PIEZO1: variants seen among roughly 807,000 people sequenced by gnomAD.
PIEZO1 encodes piezo type mechanosensitive ion channel component 1 (Er blood group), also known as piezo-type mechanosensitive ion channel component 1.
Under a neutral mutation model 297.2 loss-of-function variants are expected in PIEZO1, and 296 were observed. That is an observed-to-expected ratio of 1.00 (90% CI 0.91 to 1.10). The LOEUF (loss-of-function observed/expected upper bound fraction) is 1.10, where lower values mean the gene tolerates loss of function less well. PIEZO1 is among the 50% of genes least tolerant of loss of function. PIEZO1 has a pLI of 0.00. For synonymous variants in PIEZO1, 2,427 were observed against 1,507.5 expected, an observed-to-expected ratio of 1.61 and a Z score of -14.13; for missense variants, 5,018 against 3,455.5, an observed-to-expected ratio of 1.45 and a Z score of -11.34.
intron 1 of PIEZO1, among the ~76,000 whole-genome samples, chr16:88,776,556 G>A (rs1281017863): frequency 6.6e-6 from 1 of 152,300 alleles, no homozygotes; most frequent in South Asian, 2.1e-4. Flanking sequence ...GCTCCTATGT[G>A]CACATCTAGG....
chr16:88,750,314 C>T (rs1164640790), intron 1 of PIEZO1, among the ~76,000 whole-genome samples: 2 of 152,168 alleles, frequency 1.3e-5, no homozygotes, highest in Non-Finnish European at 2.9e-5. Context: ...CCAGCCTGGG[C>T]GACAGAGCGA....
Position 88,738,444 on chromosome 16 carries a change from C to A in PIEZO1, c.635-4G>T. On this transcript the variant is annotated splice_polypyrimidine_tract_variant and splice_region_variant and intron_variant, in intron 6 of 50. Transcript: ENST00000301015. ...AGGGCCGAGGGGTGGGCGATGCCTG[C>A]GGGGCAGGGGCACACAGGGTGGTAC... 2 of 1,535,014 alleles carry A rather than the reference C, an allele frequency of 1.3e-6. No homozygotes were observed. Among genetic ancestry groups the A allele is most frequent in the South Asian group, 1.2e-5 (1 of 84,044 alleles).
intron 1 of PIEZO1, among the ~76,000 whole-genome samples, chr16:88,771,515 G>A (rs985717655): frequency 4.6e-5 from 7 of 152,322 alleles, no homozygotes; most frequent in African/African-American, 1.2e-4. Context: ...CACGGCTCAC[G>A]CAGCTGCTGG....
Position 88,716,165 on chromosome 16 carries a change from C to G in PIEZO1, c.7129+33G>C, listed in dbSNP as rs764214848. The G allele has an allele frequency of 2.6e-5, 40 of 1,519,028 alleles. 1 individual carries two copies. The South Asian group carries it at 4.0e-4, about 15-fold the overall frequency. 94.1% of individuals were successfully genotyped at this position (1,519,028 alleles called of 1,614,324 possible). ...CGTTGAGGCCGCAGGTCACCCCTCT[C>G]TAGCCTCCCCCAACCCCCACGCCCA... On this transcript the variant is annotated intron_variant, in intron 49 of 50. Transcript: ENST00000301015.
intron 1 of PIEZO1, among the ~76,000 whole-genome samples, chr16:88,773,380 C>A (rs1440138367): frequency 6.6e-6 from 1 of 152,262 alleles, no homozygotes; most frequent in Non-Finnish European, 1.5e-5. Flanking sequence ...GGGGGAGGGG[C>A]CTTGCCCGAG....
intron 5 of PIEZO1, 186 bp downstream of exon 5, chr16:88,741,292 G>C (rs947102470): frequency 8.6e-6 from 5 of 584,386 alleles, no homozygotes; most frequent in East Asian, 2.9e-5. Flanking sequence ...GTAGAAACAG[G>C]TCTGAACGGA....
rs779308700 is a variant in PIEZO1 at position 88,723,300 on chromosome 16, G to A, written c.4364C>T (p.Ala1455Val). Residue 1455 changes from alanine to valine, a missense_variant, in exon 32 of 51, where the codon GCC (alanine) becomes GTC (valine). By Grantham distance (64) the Ala-to-Val change is moderately conservative (BLOSUM62 0). Transcript: ENST00000301015. ...QLAYQAWVTN[A>V]QAVLRRRQQE... ...CTGCCGCCGCCTCAGCACCGCCTGG[G>A]CGTTGGTCACCCATGCCTGGTACGC... is the stretch of plus-strand genomic sequence containing the variant. 254 of 1,539,710 alleles carry A rather than the reference G, an allele frequency of 1.6e-4. No homozygotes were observed. The highest frequency in any genetic ancestry group is 2.1e-4 in the Non-Finnish European group (238 of 1,146,776).
At position 88,778,323 on chromosome 16, in the gene PIEZO1, G is replaced by A. The variant is rs543502086; in HGVS notation, c.64+6578C>T. On this transcript the variant is annotated intron_variant, in intron 1 of 50. Transcript: ENST00000301015. ...ACCACAGGGGGTGGCTGAGGCGGCT[G>A]CTGTCCCTCTTTAGCCTGAACCTGA... Among the ~76,000 whole-genome samples the A allele has an allele frequency of 2.6e-4, 39 of 152,306 alleles. 1 individual carries two copies. Among genetic ancestry groups the A allele is most frequent in the African/African-American group, 9.4e-4 (39 of 41,560 alleles).
At chr16:88,728,460 C>T (rs879191572) in intron 22 of PIEZO1, among the ~76,000 whole-genome samples, 5 of 149,008 alleles carry the variant, frequency 3.4e-5, no homozygotes, top group East Asian at 2.0e-4. Flanking sequence ...GAGGGAACCT[C>T]GCGACCCAAA....
At position 88,727,006 on chromosome 16, in the gene PIEZO1, A is replaced by C. The variant is rs181321085; in HGVS notation, c.3455+33T>G. ...CGGGCGCCCCGGCCACCCCTCCCAGAAGGTTCCCCGTGGAGGGTGACGTGG... is the reference window on the plus strand; with the variant it reads ...CGGGCGCCCCGGCCACCCCTCCCAGCAGGTTCCCCGTGGAGGGTGACGTGG... On this transcript the variant is annotated intron_variant, in intron 24 of 50. Coordinates refer to ENST00000301015, the MANE Select transcript of PIEZO1 (RefSeq NM_001142864.4). The C allele has an allele frequency of 3.3e-4, 507 of 1,548,782 alleles. 8 individuals carry two copies. In the East Asian group the frequency reaches 8.5e-3, roughly 26 times the overall value.
chr16:88,743,285 G>C (rs1025577236), intron 2 of PIEZO1: 9 of 456,322 alleles, frequency 2.0e-5, no homozygotes, highest in Non-Finnish European at 3.1e-5. Context: ...CCTTCAGCAG[G>C]GGTCCGGACC....
intron 42 of PIEZO1, 53 bp from the exon 43 acceptor site, chr16:88,720,013 C>T: frequency 6.5e-7 from 1 of 1,549,056 alleles, no homozygotes. Context: ...CCCGCAGGGC[C>T]CCCAGCCTGC....
intron 1 of PIEZO1, among the ~76,000 whole-genome samples, chr16:88,781,192 C>A (rs983891408): frequency 1.4e-4 from 21 of 152,192 alleles, no homozygotes; most frequent in African/African-American, 5.1e-4. Flanking sequence ...CTTTGAGCAC[C>A]GAAAGCAAAT....
At chr16:88,746,851 GAACA>G (rs1906085860) in intron 2 of PIEZO1, among the ~76,000 whole-genome samples, 1 of 152,212 alleles carries the variant, frequency 6.6e-6, no homozygotes, top group South Asian at 2.1e-4. Context: ...AATATTTACG[GAACA>G]AACGGCGAAA....
rs1366045893 is a variant in PIEZO1 at position 88,720,548 on chromosome 16, C to T, written c.5802-16G>A. ...GCCCTGGGCCCTGCGGAAGGGGGCG[C>T]TCAGCCTGGGCCCAGTACCCGCCTC... On this transcript the variant is annotated splice_polypyrimidine_tract_variant and intron_variant, in intron 40 of 50. Coordinates refer to ENST00000301015, the MANE Select transcript of PIEZO1 (RefSeq NM_001142864.4). 8.4e-6 allele frequency: 13 copies of T among 1,549,128 alleles called. No individual in the cohort carries two copies. The highest frequency in any genetic ancestry group is 1.0e-5 in the Non-Finnish European group (12 of 1,146,800).
intron 5 of PIEZO1, chr16:88,739,514 C>G (rs888848987): frequency 3.3e-5 from 5 of 152,278 alleles, no homozygotes; most frequent in African/African-American, 1.2e-4. Context: ...GGTGCCCGGG[C>G]TGAGACCGCA....
intron 30 of PIEZO1, 72 bp from the exon 31 acceptor site, chr16:88,724,043 T>G: frequency 2.1e-6 from 2 of 934,838 alleles, no homozygotes; most frequent in Non-Finnish European, 3.4e-6. Context: ...TCCGCCTGCA[T>G]GGGCCAAGGC....
At chr16:88,734,844 GC>G in intron 14 of PIEZO1, 30 bp downstream of exon 14, 1 of 1,550,080 alleles carries the variant, frequency 6.5e-7, no homozygotes, top group Non-Finnish European at 8.7e-7. Flanking sequence ...GAGGGTCCGT[GC>G]CCCAGCCCCC....
In PIEZO1 at chr16:88,720,372, G is replaced by A. The variant is rs371581417; in HGVS notation, c.5949+13C>T. ...TCTGCGTACACTGGGTTTGGGTCCC[G>A]GGCCTGGCTCACCCCAAAGGCCCAG... On this transcript the variant is annotated intron_variant, in intron 41 of 50. Transcript: ENST00000301015. The A allele has an allele frequency of 1.4e-5, 22 of 1,550,170 alleles. No homozygotes were observed. The highest frequency in any genetic ancestry group is 7.3e-5 in the East Asian group (3 of 40,942).
Sources: gnomAD v4.1 joint callset for allele counts (sites outside exome capture counted in the v4.1 genomes callset) on GRCh38, gnomAD v4.1.1 for gene constraint, MANE v1.5 for transcripts, NCBI Gene and HGNC (gene_info 2026-07-23, HGNC 2026-07-21) for gene names.